Variants in PCSK5 observed in about 807,000 individuals in gnomAD.
PCSK5 encodes the protein prohormone convertase 5.
A neutral mutation model predicts 233.2 loss-of-function variants in PCSK5; 129 were observed. That is an observed-to-expected ratio of 0.55 (90% CI 0.48 to 0.64). PCSK5 has a LOEUF of 0.64. PCSK5 is among the 30% of genes least tolerant of loss of function. The pLI, the probability that PCSK5 is intolerant of heterozygous loss-of-function variation, is 0.00. For synonymous variants in PCSK5, 825 were observed against 879.2 expected, an observed-to-expected ratio of 0.94 and a Z score of 1.09; for missense variants, 2,076 against 2,430.1, an observed-to-expected ratio of 0.85 and a Z score of 3.06.
intron 5 of PCSK5, among the ~76,000 whole-genome samples, chr9:76,031,056 C>T (rs1013195491): frequency 4.6e-5 from 7 of 152,150 alleles, no homozygotes; most frequent in African/African-American, 1.7e-4. Flanking sequence ...GTCAGCAGTG[C>T]CGAGGGTATA....
chr9:76,170,768 TA>T (rs1431987905), intron 13 of PCSK5, among the ~76,000 whole-genome samples: 3 of 152,202 alleles, frequency 2.0e-5, no homozygotes, highest in African/African-American at 7.2e-5. Context: ...TGGGAGTGTG[TA>T]GCATTCAGAT....
intron 2 of PCSK5, among the ~76,000 whole-genome samples, chr9:75,968,296 G>C (rs185059971): frequency 6.6e-6 from 1 of 152,202 alleles, no homozygotes; most frequent in African/African-American, 2.4e-5. Flanking sequence ...TTCAACCGAC[G>C]CAAGGTCTTG....
At chr9:76,076,659 T>C (rs1193151399) in intron 7 of PCSK5, among the ~76,000 whole-genome samples, 1 of 152,234 alleles carries the variant, frequency 6.6e-6, no homozygotes, top group Non-Finnish European at 1.5e-5. Flanking sequence ...AATTTCAAAA[T>C]GCTCCCTACT....
chr9:75,964,897 G>C (rs371080995), intron 2 of PCSK5, among the ~76,000 whole-genome samples: 1 of 152,132 alleles, frequency 6.6e-6, no homozygotes, highest in Non-Finnish European at 1.5e-5. Flanking sequence ...TGGCGGGGGT[G>C]GGGGAGCATT....
At chr9:76,247,791 C>CTT (rs35561448) in intron 24 of PCSK5, among the ~76,000 whole-genome samples, 3,248 of 148,444 alleles carry the variant, frequency 0.022, 101 homozygotes, top group South Asian at 0.12. Flanking sequence ...ATTTTTTAAT[C>CTT]TTTTTTTTTT....
At chr9:76,208,002 T>C (rs1825189992) in intron 20 of PCSK5, among the ~76,000 whole-genome samples, 1 of 152,128 alleles carries the variant, frequency 6.6e-6, no homozygotes, top group Non-Finnish European at 1.5e-5. Context: ...AGGCATGACA[T>C]GGCAAGAAAG....
At chr9:75,943,505 C>T (rs557522901) in intron 2 of PCSK5, among the ~76,000 whole-genome samples, 2 of 152,132 alleles carry the variant, frequency 1.3e-5, no homozygotes, top group South Asian at 4.1e-4. Context: ...GAAACACCAC[C>T]ATTGAAAGGA....
chr9:75,891,928 AAGG>A (rs1357764083), intron 1 of PCSK5, among the ~76,000 whole-genome samples: 2 of 151,376 alleles, frequency 1.3e-5, no homozygotes, highest in Non-Finnish European at 2.9e-5. Context: ...AGGGAGGAGA[AAGG>A]AGGGGGAGGG....
At chr9:75,916,521 G>T (rs1174232990) in intron 1 of PCSK5, among the ~76,000 whole-genome samples, 1 of 152,146 alleles carries the variant, frequency 6.6e-6, no homozygotes, top group Non-Finnish European at 1.5e-5. Flanking sequence ...TAGCAGAGAG[G>T]TCAAAGAAGA....
intron 24 of PCSK5, among the ~76,000 whole-genome samples, chr9:76,248,579 C>A (rs549609675): frequency 6.6e-6 from 1 of 152,124 alleles, no homozygotes; most frequent in Non-Finnish European, 1.5e-5. Context: ...TATAAACACA[C>A]TGGGTGGAAA....
rs72740909 is a variant in PCSK5 at position 76,220,639 on chromosome 9, A to G, written c.2627-6864A>G. On this transcript the variant is annotated intron_variant, in intron 20 of 37. Transcript: ENST00000674117. ...AGCTGTTTAGAAACTTAAAAAAAAA[A>G]AATTGACACATAAAAATTGTGTGCA... 6.1e-3 allele frequency among the ~76,000 whole-genome samples: 932 copies of G among 152,232 alleles called. 8 individuals are homozygous for G. Among genetic ancestry groups the G allele is most frequent in the Non-Finnish European group, 0.011 (746 of 68,016 alleles).
At chr9:75,941,412 G>A (rs1271284828) in intron 2 of PCSK5, among the ~76,000 whole-genome samples, 3 of 151,978 alleles carry the variant, frequency 2.0e-5, no homozygotes, top group East Asian at 1.9e-4. Context: ...GTGATTTCAC[G>A]TTTGCCTCTC....
chr9:75,949,685 C>A (rs1434962727), intron 2 of PCSK5, among the ~76,000 whole-genome samples: 1 of 151,896 alleles, frequency 6.6e-6, no homozygotes, highest in East Asian at 1.9e-4. Flanking sequence ...GCACCACCAC[C>A]CCCAGCTAAC....
chr9:76,174,970 A>C lies in PCSK5; in HGVS notation c.1757-16A>C. 3 of 1,586,678 alleles carry C rather than the reference A, an allele frequency of 1.9e-6. No homozygotes were observed. The highest frequency in any genetic ancestry group is 2.6e-6 in the Non-Finnish European group (3 of 1,166,328). On this transcript the variant is annotated splice_polypyrimidine_tract_variant and intron_variant, in intron 13 of 37. Coordinates refer to ENST00000674117, the MANE Select transcript of PCSK5 (RefSeq NM_001372043.1). ...GAAAATTTGGTCATGCTGTGATTTC[A>C]TTATTATTTCTCAAGGTAAATTGAA...
chr9:76,199,113 A>G lies in PCSK5; in HGVS notation c.2626+9367A>G, dbSNP rs374337240. ...CAGCCATTGTCACTTGACAGCAGGG[A>G]TATGTCTGAGAAACGCATCCTTAGG... is the stretch of plus-strand genomic sequence containing the variant. On this transcript the variant is annotated intron_variant, in intron 20 of 37. Coordinates refer to ENST00000674117, the MANE Select transcript of PCSK5 (RefSeq NM_001372043.1). Among the ~76,000 whole-genome samples, 22 of 152,326 alleles carry G rather than the reference A, an allele frequency of 1.4e-4. No homozygotes were observed. In the South Asian group the frequency reaches 4.6e-3, roughly 32 times the overall value.
At chr9:75,930,284 A>G (rs1233542426) in intron 1 of PCSK5, among the ~76,000 whole-genome samples, 5 of 152,110 alleles carry the variant, frequency 3.3e-5, no homozygotes, top group African/African-American at 9.7e-5. Context: ...ACAATTCAAG[A>G]TGAGATTTGG....
intron 1 of PCSK5, among the ~76,000 whole-genome samples, chr9:75,893,964 T>C (rs1164064850): frequency 1.3e-5 from 2 of 152,180 alleles, no homozygotes; most frequent in Non-Finnish European, 2.9e-5. Context: ...CAAATGTATT[T>C]CTTATTCATC....
chr9:76,315,938 T>G (rs1211286328), intron 30 of PCSK5, among the ~76,000 whole-genome samples: 9 of 150,148 alleles, frequency 6.0e-5, no homozygotes, highest in African/African-American at 2.2e-4. Flanking sequence ...GTTTTTTTTT[T>G]TTTTTTTTTT....
Position 76,358,994 on chromosome 9 carries a change from A to T in PCSK5, c.*72A>T. 1 of 1,300,144 alleles carries T rather than the reference A, an allele frequency of 7.7e-7. No individual in the cohort carries two copies. The highest frequency in any genetic ancestry group is 1.3e-5 in the South Asian group (1 of 76,578). The allele number at this position is 1,300,144 out of a possible 1,614,324, so 80.5% of individuals were successfully genotyped here. A position where few individuals can be genotyped will look rare whatever the true frequency, so the allele number is the denominator to read the frequency against. On this transcript the variant is annotated 3_prime_UTR_variant, in exon 38 of 38. Transcript: ENST00000674117. ...TGTGAGCATCACTGTTTTTGGTTTT[A>T]TCCCCACACCAGGCTGATGTGTGAG...
Sources: gnomAD v4.1 joint callset for allele counts (sites outside exome capture counted in the v4.1 genomes callset) on GRCh38, gnomAD v4.1.1 for gene constraint, MANE v1.5 for transcripts, NCBI Gene and HGNC (gene_info 2026-07-23, HGNC 2026-07-21) for gene names.